MTCL2: variants seen among roughly 807,000 people sequenced by gnomAD.
The protein encoded by MTCL2 is microtubule crosslinking factor 2.
chr20:36,801,274 A>G, the MTCL2 span, among the ~76,000 whole-genome samples: 1 of 152,316 alleles, frequency 6.6e-6, no homozygotes, highest in African/African-American at 2.4e-5. Flanking sequence ...ATAACAAATC[A>G]TAGTATCTCC....
chr20:36,850,213 T>C, the MTCL2 span, among the ~76,000 whole-genome samples: 2 of 152,132 alleles, frequency 1.3e-5, no homozygotes, highest in Admixed American at 1.3e-4. Flanking sequence ...GGACTCCTAC[T>C]CCACACCTGT....
the MTCL2 span, chr20:36,817,308 C>T: frequency 1.0e-6 from 1 of 978,720 alleles, no homozygotes; most frequent in Non-Finnish European, 1.5e-6. Context: ...GGAAAATGAG[C>T]AAGGGGAGGA....
chr20:36,796,964 G>A, the MTCL2 span: 1 of 1,613,906 alleles, frequency 6.2e-7, no homozygotes, highest in Non-Finnish European at 8.5e-7. Flanking sequence ...TGTCAAGGAA[G>A]AGAGACAGGA....
At chr20:36,815,960 G>A in the MTCL2 span, 1 of 1,613,250 alleles carries the variant, frequency 6.2e-7, no homozygotes, top group Non-Finnish European at 8.5e-7. The surrounding 1 kb of genome is among the most constrained non-coding windows in gnomAD (Gnocchi z 5.3). Context: ...AGAAGGCCAG[G>A]CGTGCCTCAG....
At chr20:36,863,314 G>A in the MTCL2 span, 1 of 1,182,634 alleles carries the variant, frequency 8.5e-7, no homozygotes, top group Non-Finnish European at 1.0e-6. This position sits in a 1 kb window ranked among gnomAD's most constrained non-coding sequence, Gnocchi z 6.2. Flanking sequence ...CCGCAGCCCC[G>A]GACCGGGGGC....
chr20:36,839,404 A>G, the MTCL2 span: 1 of 1,613,466 alleles, frequency 6.2e-7, no homozygotes, highest in Non-Finnish European at 8.5e-7. This position sits in a 1 kb window ranked among gnomAD's most constrained non-coding sequence, Gnocchi z 5.1. Flanking sequence ...GACGTCCCGC[A>G]TCTCCAGCAT....
the MTCL2 span, chr20:36,863,088 A>G: frequency 2.9e-6 from 4 of 1,396,192 alleles, no homozygotes; most frequent in East Asian, 1.3e-4. The surrounding 1 kb of genome is among the most constrained non-coding windows in gnomAD (Gnocchi z 6.2). Flanking sequence ...GGCCACCCGC[A>G]CACCCGCACC....
chr20:36,841,917 G>GTGTGTA, the MTCL2 span, among the ~76,000 whole-genome samples: 2 of 142,116 alleles, frequency 1.4e-5, no homozygotes, highest in Middle Eastern at 7.9e-3. Context: ...GTGTGTGTGT[G>GTGTGTA]TATACAGGGT....
the MTCL2 span, among the ~76,000 whole-genome samples, chr20:36,857,989 C>A: frequency 6.6e-6 from 1 of 152,106 alleles, no homozygotes; most frequent in Admixed American, 6.5e-5. Context: ...CCTCCACTAA[C>A]CCCCACCTCC....
At chr20:36,820,179 C>A in the MTCL2 span, among the ~76,000 whole-genome samples, 1 of 152,142 alleles carries the variant, frequency 6.6e-6, no homozygotes, top group Non-Finnish European at 1.5e-5. Flanking sequence ...CTGGGTGAAC[C>A]CTTTCCTCTC....
the MTCL2 span, chr20:36,804,978 C>G: frequency 6.5e-7 from 1 of 1,531,242 alleles, no homozygotes; most frequent in East Asian, 2.3e-5. Flanking sequence ...GAGAACTCAC[C>G]TAGGAGTCCA....
the MTCL2 span, among the ~76,000 whole-genome samples, chr20:36,789,462 G>A: frequency 2.6e-5 from 4 of 152,206 alleles, no homozygotes; most frequent in South Asian, 8.3e-4. Flanking sequence ...AGCAGTTCGA[G>A]ACCAGCCTGG....
At chr20:36,809,048 T>C in the MTCL2 span, among the ~76,000 whole-genome samples, 4 of 152,286 alleles carry the variant, frequency 2.6e-5, no homozygotes, top group South Asian at 8.3e-4. Context: ...ATGAGGAACC[T>C]GCGAGGGTGA....
chr20:36,808,660 T>C, the MTCL2 span: 46 of 1,612,336 alleles, frequency 2.9e-5, no homozygotes, highest in Non-Finnish European at 3.8e-5. Flanking sequence ...GGCTCCAGAA[T>C]TTCTGCTCCA....
chr20:36,825,088 G>A, the MTCL2 span, among the ~76,000 whole-genome samples: 1 of 151,686 alleles, frequency 6.6e-6, no homozygotes, highest in Non-Finnish European at 1.5e-5. Context: ...GATTACAGGC[G>A]CCCACCACCA....
At chr20:36,846,695 T>A in the MTCL2 span, among the ~76,000 whole-genome samples, 1 of 152,072 alleles carries the variant, frequency 6.6e-6, no homozygotes, top group South Asian at 2.1e-4. Flanking sequence ...AGCGTCCAAA[T>A]AGGCTGTGAC....
the MTCL2 span, chr20:36,804,735 C>T: frequency 8.1e-6 from 13 of 1,613,076 alleles, no homozygotes; most frequent in East Asian, 2.7e-4. Flanking sequence ...GGGGGCTCAC[C>T]TGGGAGGTAT....
the MTCL2 span, among the ~76,000 whole-genome samples, chr20:36,839,863 A>T: frequency 0.33 from 50,884 of 151,938 alleles, 9,003 homozygotes; most frequent in Middle Eastern, 0.44. The surrounding 1 kb of genome is among the most constrained non-coding windows in gnomAD (Gnocchi z 5.1). Context: ...TCTGGTGTTC[A>T]TTTTTTTGTT....
At chr20:36,840,102 G>A in the MTCL2 span, among the ~76,000 whole-genome samples, 175 of 150,052 alleles carry the variant, frequency 1.2e-3, no homozygotes, top group East Asian at 0.023. Context: ...GACCTCAAGC[G>A]ATCTGCCCGC....
Sources: allele counts gnomAD v4.1 joint callset (sites outside exome capture counted in the v4.1 genomes callset), GRCh38; gene constraint gnomAD v4.1.1; non-coding constraint Gnocchi (gnomAD v3.1); transcripts MANE v1.5; gene names NCBI Gene and HGNC (gene_info 2026-07-23, HGNC 2026-07-21).